The following ASTN2 variants were observed in gnomAD, a reference collection of about 807,000 sequenced individuals.
The protein encoded by ASTN2 is astrotactin 2.
ASTN2 carries 54 observed loss-of-function variants against 139.8 expected under a neutral mutation model. That is an observed-to-expected ratio of 0.39 (90% CI 0.31 to 0.48). The LOEUF is 0.48. ASTN2 is among the 20% of genes least tolerant of loss of function. The pLI is 0.95. For missense variants in ASTN2, 1,565 were observed against 1,725.1 expected (o/e 0.91, Z 1.64); for synonymous variants, 756 against 719.5 (o/e 1.05, Z -0.81).
intron 13 of ASTN2, among the ~76,000 whole-genome samples, chr9:116,771,143 C>T (rs558609909): frequency 3.9e-5 from 6 of 152,324 alleles, no homozygotes; most frequent in Non-Finnish European, 7.3e-5. Flanking sequence ...TCTTAGAAAC[C>T]TTCTCAGGTA....
chr9:117,250,058 C>T lies in ASTN2; in HGVS notation c.631-35316G>A, dbSNP rs143929845. ...CTCTAAGCCTGGGGCTTTTCCATTG[C>T]CCACTGCCCCCGCAGGGACTTCTTA... On this transcript the variant is annotated intron_variant, in intron 2 of 22. Coordinates refer to ENST00000313400, the MANE Select transcript of ASTN2 (RefSeq NM_001365068.1). Among the ~76,000 whole-genome samples the T allele has an allele frequency of 5.4e-4, 82 of 152,314 alleles. 1 individual carries two copies. The highest frequency in any genetic ancestry group is 1.9e-3 in the African/African-American group (79 of 41,580).
chr9:116,606,372 G>A (rs907644909), intron 19 of ASTN2, among the ~76,000 whole-genome samples: 1 of 152,142 alleles, frequency 6.6e-6, no homozygotes, highest in Non-Finnish European at 1.5e-5. Flanking sequence ...TCAGAAGGGT[G>A]TGAAACAGAT....
At chr9:116,793,966 G>C (rs371317884) in intron 13 of ASTN2, among the ~76,000 whole-genome samples, 9 of 152,102 alleles carry the variant, frequency 5.9e-5, no homozygotes, top group East Asian at 1.9e-4. Flanking sequence ...TGGACCAGGA[G>C]TGTCCAATTT....
chr9:117,036,252 G>A (rs1838381709), intron 6 of ASTN2, among the ~76,000 whole-genome samples: 1 of 152,156 alleles, frequency 6.6e-6, no homozygotes, highest in Non-Finnish European at 1.5e-5. Flanking sequence ...GTAAGGGATG[G>A]AGATTCCATT....
At chr9:116,663,536 T>G (rs2165555) in intron 16 of ASTN2, among the ~76,000 whole-genome samples, 12,292 of 152,164 alleles carry the variant, frequency 0.081, 523 homozygotes, top group East Asian at 0.14. Context: ...TTACCAGGCA[T>G]TACTTTTGGA....
intron 13 of ASTN2, among the ~76,000 whole-genome samples, chr9:116,793,063 G>A (rs982546050): frequency 2.0e-5 from 3 of 151,222 alleles, no homozygotes; most frequent in African/African-American, 4.9e-5. Flanking sequence ...AATATACCCA[G>A]GTAAAAAACC....
chr9:116,452,457 A>G (rs1250969371), intron 20 of ASTN2, among the ~76,000 whole-genome samples: 2 of 152,196 alleles, frequency 1.3e-5, no homozygotes, highest in Non-Finnish European at 2.9e-5. Flanking sequence ...CCCCATGGTG[A>G]CGGTGTGAGG....
intron 22 of ASTN2, among the ~76,000 whole-genome samples, chr9:116,435,056 G>T (rs1262650950): frequency 6.6e-6 from 1 of 152,216 alleles, no homozygotes; most frequent in Non-Finnish European, 1.5e-5. Flanking sequence ...AGTCAACCTG[G>T]GTCCCTCAGA....
At chr9:116,560,280 C>T (rs1321740576) in intron 19 of ASTN2, among the ~76,000 whole-genome samples, 1 of 152,212 alleles carries the variant, frequency 6.6e-6, no homozygotes, top group African/African-American at 2.4e-5. Context: ...AACTCACTAG[C>T]TCCTTCACTC....
At chr9:116,878,035 A>G (rs1181304436) in intron 10 of ASTN2, among the ~76,000 whole-genome samples, 1 of 152,206 alleles carries the variant, frequency 6.6e-6, no homozygotes, top group Non-Finnish European at 1.5e-5. Context: ...TCTGAATGGC[A>G]GTTTTTAAAA....
rs150384106 is a variant in ASTN2, at chr9:116,759,028, C to T, written c.2397-25505G>A. Among the ~76,000 whole-genome samples the T allele has an allele frequency of 6.5e-3, 989 of 152,174 alleles. 63 individuals are homozygous for T. The South Asian group carries it at 0.16, about 25-fold the overall frequency. ...CCTGCTTGGGACTACAGAAGCGTAC[C>T]GCCATGCCCTGCTAATTTTTTAATT... is the stretch of plus-strand genomic sequence containing the variant. On this transcript the variant is annotated intron_variant, in intron 13 of 22. Coordinates refer to ENST00000313400, the MANE Select transcript of ASTN2 (RefSeq NM_001365068.1).
At chr9:116,999,373 T>C (rs1352666068) in intron 7 of ASTN2, among the ~76,000 whole-genome samples, 1 of 152,074 alleles carries the variant, frequency 6.6e-6, no homozygotes, top group African/African-American at 2.4e-5. Flanking sequence ...GGAACTCTTC[T>C]TGCACTAAAA....
At chr9:116,889,698 C>A (rs997967078) in intron 10 of ASTN2, among the ~76,000 whole-genome samples, 1 of 150,132 alleles carries the variant, frequency 6.7e-6, no homozygotes, top group South Asian at 2.1e-4. Context: ...CCAGCCTGGG[C>A]AACATAGCAA....
intron 13 of ASTN2, among the ~76,000 whole-genome samples, chr9:116,790,096 T>C (rs888670277): frequency 6.6e-6 from 1 of 151,904 alleles, no homozygotes; most frequent in African/African-American, 2.4e-5. Context: ...CAGCTAATTT[T>C]TGTGTTTTTA....
chr9:117,059,455 T>C (rs145313493), intron 5 of ASTN2, among the ~76,000 whole-genome samples: 93 of 151,212 alleles, frequency 6.2e-4, no homozygotes, highest in Middle Eastern at 6.9e-3. Flanking sequence ...CTACTAAAAA[T>C]ACAAAAAATT....
intron 3 of ASTN2, among the ~76,000 whole-genome samples, chr9:117,178,946 C>T (rs1339811690): frequency 1.3e-5 from 2 of 152,220 alleles, no homozygotes; most frequent in Admixed American, 6.5e-5. Context: ...CCAGCCCTCT[C>T]ATAGCCTGTT....
chr9:116,609,551 T>C lies in ASTN2; in HGVS notation c.3355+8773A>G, dbSNP rs150169463. On this transcript the variant is annotated intron_variant, in intron 19 of 22. Transcript: ENST00000313400. The stretch of plus-strand genomic sequence containing the variant: ...GCAATAATATCTTACAAAAACAAAA[T>C]CAGAAAGCATGCATCACTAACTGAC... Among the ~76,000 whole-genome samples the C allele has an allele frequency of 7.2e-3, 1,087 of 151,134 alleles. 4 individuals are homozygous for C. Among genetic ancestry groups the C allele is most frequent in the Non-Finnish European group, 0.012 (797 of 67,714 alleles).
chr9:116,957,713 G>T (rs965323352), intron 10 of ASTN2, among the ~76,000 whole-genome samples: 1 of 152,190 alleles, frequency 6.6e-6, no homozygotes, highest in African/African-American at 2.4e-5. Context: ...TCGCTCTGTT[G>T]CTCTGTCACC....
chr9:117,167,685 A>C (rs530296126), intron 3 of ASTN2, among the ~76,000 whole-genome samples: 2 of 152,246 alleles, frequency 1.3e-5, no homozygotes, highest in East Asian at 3.9e-4. Context: ...ATCTATGATA[A>C]ACCAGGCTCT....
Sources: allele counts gnomAD v4.1 joint callset (sites outside exome capture counted in the v4.1 genomes callset), GRCh38; gene constraint gnomAD v4.1.1; transcripts MANE v1.5; gene names NCBI Gene and HGNC (gene_info 2026-07-23, HGNC 2026-07-21).